Variants in OSTN observed in about 807,000 individuals in gnomAD.
The protein encoded by OSTN is osteocrin.
Under a neutral mutation model 12.0 loss-of-function variants are expected in OSTN, and 9 were observed. The ratio of observed to expected loss-of-function variants is 0.75; its 90% confidence interval spans 0.45 to 1.30. The LOEUF is 1.30. Ranked by LOEUF, OSTN falls within the 50% of genes most tolerant of loss-of-function variation. OSTN has a pLI of 0.00. For missense variants in OSTN, 148 were observed against 152.3 expected, an observed-to-expected ratio of 0.97 and a Z score of 0.15; for synonymous variants, 59 against 56.9, an observed-to-expected ratio of 1.04 and a Z score of -0.16.
chr3:191,200,931 T>C (rs1012022395), intron 1 of OSTN, among the ~76,000 whole-genome samples: 4 of 152,122 alleles, frequency 2.6e-5, no homozygotes, highest in African/African-American at 9.7e-5. Flanking sequence ...TCGACAGCTT[T>C]ATGGACAAAC....
rs575332839 is a variant in OSTN at position 191,241,167 on chromosome 3, C to CTTTTTTTTTTTTTTTTTTTTTTTTT, written c.318-8865_318-8841dup. 8.6e-5 allele frequency among the ~76,000 whole-genome samples: 4 copies of CTTTTTTTTTTTTTTTTTTTTTTTTT among 46,444 alleles called. 2 individuals are homozygous for CTTTTTTTTTTTTTTTTTTTTTTTTT. Among genetic ancestry groups the CTTTTTTTTTTTTTTTTTTTTTTTTT allele is most frequent in the Non-Finnish European group, 2.0e-4 (4 of 20,218 alleles). The allele number at this position is 46,444 out of a possible 152,430, so 30.5% of individuals were successfully genotyped here. ...AAGTTGGTGGAGCTCTGTGCCTTGACTTTTTTTTTTTTTTTTTTTTTTTTT... is the reference window on the plus strand; with the variant it reads ...AAGTTGGTGGAGCTCTGTGCCTTGACTTTTTTTTTTTTTTTTTTTTTTTTTTTTTTTTTTTTTTTTTTTTTTTTTT... On this transcript the variant is annotated intron_variant, in intron 3 of 4. Coordinates refer to ENST00000682035, the MANE Select transcript of OSTN (RefSeq NM_198184.2).
chr3:191,229,697 T>C (rs1266023034), intron 3 of OSTN: 1 of 152,084 alleles, frequency 6.6e-6, no homozygotes, highest in African/African-American at 2.4e-5. Context: ...ATGCGAAGAA[T>C]GCAATGAAAC....
At chr3:191,232,145 A>G (rs1715072277) in intron 3 of OSTN, among the ~76,000 whole-genome samples, 1 of 151,828 alleles carries the variant, frequency 6.6e-6, no homozygotes, top group Non-Finnish European at 1.5e-5. Flanking sequence ...AGCCTGGCCA[A>G]CGTGGTGAAA....
chr3:191,207,259 G>C (rs1560112575), intron 1 of OSTN, among the ~76,000 whole-genome samples: 1 of 152,012 alleles, frequency 6.6e-6, no homozygotes, highest in African/African-American at 2.4e-5. Context: ...AAAATTCCTA[G>C]ACAATATCAA....
At chr3:191,256,059 T>C (rs1158176016) in intron 4 of OSTN, among the ~76,000 whole-genome samples, 2 of 151,996 alleles carry the variant, frequency 1.3e-5, no homozygotes, top group Non-Finnish European at 2.9e-5. Flanking sequence ...AAAATAATAA[T>C]TGTCTGTGTA....
At chr3:191,251,806 C>A (rs1457261659) in intron 4 of OSTN, among the ~76,000 whole-genome samples, 5 of 152,142 alleles carry the variant, frequency 3.3e-5, no homozygotes, top group African/African-American at 1.2e-4. Context: ...GGTCACTCTT[C>A]AAGGTTGTTA....
At chr3:191,208,895 C>T (rs906819691) in intron 1 of OSTN, among the ~76,000 whole-genome samples, 7 of 152,184 alleles carry the variant, frequency 4.6e-5, no homozygotes, top group African/African-American at 1.4e-4. Context: ...TGGTGGCTCA[C>T]GCCTATAATC....
intron 3 of OSTN, among the ~76,000 whole-genome samples, chr3:191,229,535 A>T (rs548143346): frequency 6.6e-6 from 1 of 152,280 alleles, no homozygotes; most frequent in East Asian, 1.9e-4. Flanking sequence ...GGAGTTTGTT[A>T]TACTATTCTA....
At chr3:191,258,225 A>G (rs984400330) in intron 4 of OSTN, among the ~76,000 whole-genome samples, 28 of 152,366 alleles carry the variant, frequency 1.8e-4, no homozygotes, top group African/African-American at 6.0e-4. Context: ...GTAAGATTGC[A>G]TAAGGAGAGC....
intron 3 of OSTN, among the ~76,000 whole-genome samples, chr3:191,235,750 T>C (rs1261584823): frequency 6.6e-6 from 1 of 152,106 alleles, no homozygotes; most frequent in Non-Finnish European, 1.5e-5. Context: ...TGGGGCAAGG[T>C]CCCTTTTATA....
At chr3:191,230,562 CAAAAAAAAAAAA>C (rs35542147) in intron 3 of OSTN, among the ~76,000 whole-genome samples, 1 of 36,448 alleles carries the variant, frequency 2.7e-5, no homozygotes, top group Non-Finnish European at 5.7e-5. Flanking sequence ...GACTCCGTCT[CAAAAAAAAAAAA>C]AAAAAAAAAA....
In OSTN at chr3:191,205,847, T is replaced by C. The variant is rs138226681; in HGVS notation, c.-1+6540T>C. ...TTTTGAAAGGGTAGGGAAATGAGCA[T>C]ACTGACTTATGCATGATAGGAAAAA... On this transcript the variant is annotated intron_variant, in intron 1 of 4. Transcript: ENST00000682035. Among the ~76,000 whole-genome samples the C allele has an allele frequency of 2.7e-3, 414 of 152,162 alleles. 1 individual carries two copies. The highest frequency in any genetic ancestry group is 5.0e-3 in the Non-Finnish European group (337 of 67,990).
chr3:191,254,361 A>C (rs532820095), intron 4 of OSTN, among the ~76,000 whole-genome samples: 1 of 152,388 alleles, frequency 6.6e-6, no homozygotes, highest in South Asian at 2.1e-4. Context: ...CTTTCTGAGA[A>C]GTCCGTATCA....
At chr3:191,206,957 C>T (rs9849275) in intron 1 of OSTN, among the ~76,000 whole-genome samples, 3 of 152,006 alleles carry the variant, frequency 2.0e-5, no homozygotes, top group Non-Finnish European at 4.4e-5. Flanking sequence ...AGCTGACTCA[C>T]GACTTGCCTG....
At chr3:191,203,640 G>A (rs910598517) in intron 1 of OSTN, among the ~76,000 whole-genome samples, 31 of 152,028 alleles carry the variant, frequency 2.0e-4, no homozygotes, top group African/African-American at 7.2e-4. Context: ...TAAAATGTAG[G>A]TATCTGCCAC....
intron 2 of OSTN, 91 bp from the exon 3 acceptor site, chr3:191,218,656 G>A: frequency 9.9e-7 from 1 of 1,008,632 alleles, no homozygotes; most frequent in East Asian, 2.5e-5. Context: ...TGATGAGTAT[G>A]TCAGCTAACA....
intron 3 of OSTN, among the ~76,000 whole-genome samples, chr3:191,247,861 T>C (rs1715468441): frequency 6.6e-6 from 1 of 152,114 alleles, no homozygotes; most frequent in African/African-American, 2.4e-5. Flanking sequence ...CTGATCAGAG[T>C]CTCGCGTTGT....
chr3:191,210,586 C>A (rs1419099625), intron 1 of OSTN, among the ~76,000 whole-genome samples: 1 of 152,066 alleles, frequency 6.6e-6, no homozygotes. Context: ...AGAAATGAAG[C>A]TTAAGTAGGG....
At chr3:191,217,654 A>G (rs967137124) in intron 2 of OSTN, among the ~76,000 whole-genome samples, 3 of 152,236 alleles carry the variant, frequency 2.0e-5, no homozygotes, top group African/African-American at 7.2e-5. Flanking sequence ...TACATTTATG[A>G]TTTGGATGAA....
Sources: gnomAD v4.1 joint callset for allele counts (sites outside exome capture counted in the v4.1 genomes callset) on GRCh38, gnomAD v4.1.1 for gene constraint, MANE v1.5 for transcripts, NCBI Gene and HGNC (gene_info 2026-07-23, HGNC 2026-07-21) for gene names.